Variants in NEGR1 observed in about 807,000 individuals in gnomAD.
NEGR1 encodes neuronal growth regulator 1.
A neutral mutation model predicts 40.9 loss-of-function variants in NEGR1; 10 were observed. The observed-to-expected ratio is 0.24, with a 90% CI of 0.15 to 0.42. The LOEUF (loss-of-function observed/expected upper bound fraction) is 0.42. NEGR1 is among the 10% of genes least tolerant of loss of function. NEGR1 has a pLI of 1.00. For synonymous variants in NEGR1, 185 were observed against 166.8 expected (o/e 1.11, Z -0.84); for missense variants, 352 against 438.9 (o/e 0.80, Z 1.77).
In NEGR1 at chr1:71,656,116, T is replaced by C. The variant is rs139441954; in HGVS notation, c.667+41892A>G. Among the ~76,000 whole-genome samples the C allele has an allele frequency of 3.4e-3, 512 of 152,334 alleles. 4 individuals are homozygous for C. Among genetic ancestry groups the C allele is most frequent in the African/African-American group, 0.012 (491 of 41,582 alleles). On this transcript the variant is annotated intron_variant, in intron 4 of 6. Transcript: ENST00000357731. ...TTAAGAGCCAGAAATGAGTTCTTAC[T>C]TGGGCATAATTGATCCCAAACTTTA...
intron 1 of NEGR1, among the ~76,000 whole-genome samples, chr1:71,964,641 G>C (rs1003576409): frequency 6.6e-6 from 1 of 152,094 alleles, no homozygotes; most frequent in African/African-American, 2.4e-5. Flanking sequence ...TTCTCTGCAT[G>C]AGTTTATGAC....
intron 4 of NEGR1, among the ~76,000 whole-genome samples, chr1:71,613,364 G>A (rs1311800105): frequency 6.6e-6 from 1 of 152,056 alleles, no homozygotes; most frequent in East Asian, 1.9e-4. Context: ...ATTTTGGAGG[G>A]GGCTGTGTGC....
intron 6 of NEGR1, among the ~76,000 whole-genome samples, chr1:71,483,971 T>A (rs989155029): frequency 6.6e-6 from 1 of 151,784 alleles, no homozygotes; most frequent in African/African-American, 2.4e-5. Flanking sequence ...ATGTATAGAT[T>A]ATTTTCTGTA....
intron 1 of NEGR1, among the ~76,000 whole-genome samples, chr1:72,094,284 T>C (rs1648613233): frequency 6.6e-6 from 1 of 152,142 alleles, no homozygotes; most frequent in Non-Finnish European, 1.5e-5. Context: ...ACATTTATGT[T>C]TGGTGGGGGA....
At chr1:71,555,081 A>G (rs1648212407) in intron 6 of NEGR1, among the ~76,000 whole-genome samples, 1 of 151,580 alleles carries the variant, frequency 6.6e-6, no homozygotes, top group African/African-American at 2.4e-5. Flanking sequence ...TTCGAATTCA[A>G]TTTGAGACAA....
chr1:72,282,272 A>T, intron 1 of NEGR1, 47 bp downstream of exon 1: 1 of 1,606,134 alleles, frequency 6.2e-7, no homozygotes, highest in Non-Finnish European at 8.5e-7. Flanking sequence ...AAAGAGAGAC[A>T]GAAAGATAGA....
intron 5 of NEGR1, among the ~76,000 whole-genome samples, chr1:71,603,296 T>C (rs920480983): frequency 1.3e-5 from 2 of 152,180 alleles, no homozygotes; most frequent in African/African-American, 2.4e-5. Context: ...TGCATATAAC[T>C]GCCTACATTG....
chr1:71,999,957 T>C (rs1646543143), intron 1 of NEGR1, among the ~76,000 whole-genome samples: 1 of 151,780 alleles, frequency 6.6e-6, no homozygotes, highest in African/African-American at 2.4e-5. Context: ...CATATTACAA[T>C]AGTAATACCC....
chr1:71,912,403 A>T (rs2101874315), intron 2 of NEGR1, among the ~76,000 whole-genome samples: 1 of 152,312 alleles, frequency 6.6e-6, no homozygotes, highest in African/African-American at 2.4e-5. Flanking sequence ...TTAATAAAGG[A>T]TCATGTCTCT....
intron 2 of NEGR1, among the ~76,000 whole-genome samples, chr1:71,920,778 G>A (rs1423052214): frequency 1.3e-5 from 2 of 152,184 alleles, no homozygotes; most frequent in African/African-American, 2.4e-5. Flanking sequence ...CCCGGCACAG[G>A]TGCAGGTGTA....
At chr1:71,541,866 A>G (rs1031290325) in intron 6 of NEGR1, among the ~76,000 whole-genome samples, 2 of 151,808 alleles carry the variant, frequency 1.3e-5, no homozygotes, top group Non-Finnish European at 2.9e-5. Context: ...TTCCTACAGA[A>G]GAGCTGTTCG....
At chr1:72,073,765 T>A (rs964147290) in intron 1 of NEGR1, among the ~76,000 whole-genome samples, 1 of 151,812 alleles carries the variant, frequency 6.6e-6, no homozygotes, top group Admixed American at 6.6e-5. Flanking sequence ...ATCCTTAAGA[T>A]TCATTAGATG....
At chr1:71,512,317 A>C (rs1647079911) in intron 6 of NEGR1, among the ~76,000 whole-genome samples, 1 of 152,188 alleles carries the variant, frequency 6.6e-6, no homozygotes, top group South Asian at 2.1e-4. Context: ...ATAATGCTTT[A>C]CTAAACAAAA....
In NEGR1 at chr1:71,401,092, C is replaced by T. The variant is rs1399966054; in HGVS notation, c.*6354G>A. 6.6e-6 allele frequency: 1 copy of T among 152,160 alleles called. No individual in the cohort carries two copies. The allele number at this position is 152,160 out of a possible 1,614,324, so 9.4% of individuals were successfully genotyped here. A position where few individuals can be genotyped will look rare whatever the true frequency, so the allele number is the denominator to read the frequency against. The stretch of plus-strand genomic sequence containing the variant: ...GAATTTTTGCTGAAATGAAAAACCA[C>T]TAATTACTTGGAACACACTTTTACA... On this transcript the variant is annotated 3_prime_UTR_variant, in exon 7 of 7. Transcript: ENST00000357731.
intron 4 of NEGR1, among the ~76,000 whole-genome samples, chr1:71,692,484 C>T (rs1653320829): frequency 6.6e-6 from 1 of 151,690 alleles, no homozygotes; most frequent in Admixed American, 6.6e-5. Flanking sequence ...ACTTTGAACA[C>T]CGAGATTTTC....
At chr1:72,196,044 A>C (rs958967310) in intron 1 of NEGR1, among the ~76,000 whole-genome samples, 2 of 151,970 alleles carry the variant, frequency 1.3e-5, no homozygotes, top group Non-Finnish European at 2.9e-5. Flanking sequence ...ATCTATGCAC[A>C]ATCTTTAAAA....
intron 6 of NEGR1, among the ~76,000 whole-genome samples, chr1:71,489,022 G>C (rs547595047): frequency 1.3e-5 from 2 of 151,764 alleles, no homozygotes; most frequent in Non-Finnish European, 2.9e-5. Flanking sequence ...CAGAGTTCTT[G>C]TGAAGATCAA....
intron 2 of NEGR1, among the ~76,000 whole-genome samples, chr1:71,907,966 A>T (rs1262105133): frequency 6.6e-6 from 1 of 152,122 alleles, no homozygotes; most frequent in Non-Finnish European, 1.5e-5. Context: ...ACTCATGGAC[A>T]TAAAGATGGC....
intron 1 of NEGR1, among the ~76,000 whole-genome samples, chr1:72,136,424 T>A (rs887985869): frequency 5.9e-5 from 9 of 151,630 alleles, no homozygotes; most frequent in African/African-American, 2.2e-4. Context: ...GAAGAAATAA[T>A]TTAAAATAAT....
Sources: allele counts gnomAD v4.1 joint callset (sites outside exome capture counted in the v4.1 genomes callset), GRCh38; gene constraint gnomAD v4.1.1; transcripts MANE v1.5; gene names NCBI Gene and HGNC (gene_info 2026-07-23, HGNC 2026-07-21).